SLC24A2: variants seen among roughly 807,000 people sequenced by gnomAD.
SLC24A2 encodes the protein solute carrier family 24 member 2, also known as sodium/potassium/calcium exchanger 2.
Under a neutral mutation model 62.0 loss-of-function variants are expected in SLC24A2, and 36 were observed. The observed-to-expected ratio is 0.58, with a 90% CI of 0.44 to 0.77. The LOEUF (loss-of-function observed/expected upper bound fraction) is 0.77. SLC24A2 is among the 30% of genes least tolerant of loss of function. SLC24A2 has a pLI of 0.00. For synonymous variants in SLC24A2, 358 were observed against 294.0 expected (o/e 1.22, Z -2.23); for missense variants, 846 against 817.9 (o/e 1.03, Z -0.42).
rs140384455 is a variant in SLC24A2, at chr9:19,723,289, T to G, written c.930+62648A>C. Among the ~76,000 whole-genome samples the G allele has an allele frequency of 4.3e-3, 656 of 152,286 alleles. 5 individuals carry two copies. The highest frequency in any genetic ancestry group is 0.015 in the African/African-American group (617 of 41,572). ...CATGTCATTTGCTTTCTTATTCTAT[T>G]TTTGTTGCACAGATGTGAAGGAGTT... On this transcript the variant is annotated intron_variant, in intron 2 of 10. Coordinates refer to ENST00000341998, the MANE Select transcript of SLC24A2 (RefSeq NM_020344.4).
the SLC24A2 span, among the ~76,000 whole-genome samples, chr9:19,970,329 A>T: frequency 6.6e-6 from 1 of 152,212 alleles, no homozygotes; most frequent in Non-Finnish European, 1.5e-5. Context: ...TTTGTCTAAG[A>T]TGTCACCAAG....
At chr9:20,007,242 T>A in the SLC24A2 span, among the ~76,000 whole-genome samples, 1 of 152,172 alleles carries the variant, frequency 6.6e-6, no homozygotes, top group East Asian at 1.9e-4. Flanking sequence ...TGTTCTAGAA[T>A]CTTGAAAAGA....
the SLC24A2 span, among the ~76,000 whole-genome samples, chr9:19,901,538 T>C: frequency 2.0e-5 from 3 of 152,132 alleles, no homozygotes; most frequent in African/African-American, 7.2e-5. Flanking sequence ...GTTTGGCTAA[T>C]TATACATATT....
intron 2 of SLC24A2, among the ~76,000 whole-genome samples, chr9:19,652,237 A>AT (rs1308756883): frequency 3.9e-5 from 6 of 152,134 alleles, no homozygotes; most frequent in African/African-American, 1.4e-4. Context: ...TGAAGATAAC[A>AT]TTTTAGAATT....
At chr9:19,833,156 A>G in the SLC24A2 span, among the ~76,000 whole-genome samples, 2 of 152,204 alleles carry the variant, frequency 1.3e-5, no homozygotes, top group Non-Finnish European at 2.9e-5. Flanking sequence ...TGAGCGATGC[A>G]GAAAATGGGT....
At chr9:19,683,182 C>T (rs989075264) in intron 2 of SLC24A2, among the ~76,000 whole-genome samples, 4 of 152,126 alleles carry the variant, frequency 2.6e-5, no homozygotes, top group Non-Finnish European at 4.4e-5. Context: ...GTATGCTAGA[C>T]GCTGTAAGTG....
intron 5 of SLC24A2, among the ~76,000 whole-genome samples, chr9:19,584,292 AAC>A (rs200873249): frequency 0.11 from 14,987 of 132,690 alleles, 646 homozygotes; most frequent in East Asian, 0.25. Context: ...AAAAAAAAAA[AAC>A]AAACAAAAAA....
intron 2 of SLC24A2, among the ~76,000 whole-genome samples, chr9:19,653,037 C>G (rs1818845530): frequency 1.3e-5 from 2 of 152,164 alleles, no homozygotes; most frequent in African/African-American, 4.8e-5. Flanking sequence ...CCACAGTGTT[C>G]CAACTTCAGA....
At chr9:19,677,743 T>C (rs1232274407) in intron 2 of SLC24A2, among the ~76,000 whole-genome samples, 1 of 151,310 alleles carries the variant, frequency 6.6e-6, no homozygotes, top group Non-Finnish European at 1.5e-5. Flanking sequence ...TACAAAGTGG[T>C]ATACATTACA....
chr9:20,219,448 G>C, the SLC24A2 span, among the ~76,000 whole-genome samples: 2 of 152,152 alleles, frequency 1.3e-5, no homozygotes, highest in East Asian at 3.9e-4. Context: ...AGCCACTTTG[G>C]TATTGCTTCC....
chr9:19,580,242 G>T (rs1295502751), intron 5 of SLC24A2, among the ~76,000 whole-genome samples: 1 of 152,234 alleles, frequency 6.6e-6, no homozygotes, highest in Non-Finnish European at 1.5e-5. Context: ...TGACCTGGCA[G>T]CCATTCCACA....
At chr9:20,073,983 T>C in the SLC24A2 span, among the ~76,000 whole-genome samples, 3 of 150,518 alleles carry the variant, frequency 2.0e-5, no homozygotes, top group Non-Finnish European at 4.4e-5. Context: ...GAGAAAATTA[T>C]TGTTCTGAAG....
intron 4 of SLC24A2, among the ~76,000 whole-genome samples, chr9:19,601,405 C>G (rs1487212716): frequency 4.6e-5 from 7 of 152,130 alleles, no homozygotes; most frequent in Admixed American, 4.6e-4. Context: ...ACTTGGGTCC[C>G]CTTCCTTGCT....
At chr9:20,281,995 A>T in the SLC24A2 span, among the ~76,000 whole-genome samples, 1 of 152,176 alleles carries the variant, frequency 6.6e-6, no homozygotes, top group Admixed American at 6.5e-5. Flanking sequence ...GCTATTATAA[A>T]TTGCACTGGG....
the SLC24A2 span, among the ~76,000 whole-genome samples, chr9:19,995,558 A>G: frequency 6.6e-6 from 1 of 152,236 alleles, no homozygotes; most frequent in African/African-American, 2.4e-5. Flanking sequence ...CCTACTAGCA[A>G]GGAGAGGTTA....
chr9:20,008,899 C>T, the SLC24A2 span, among the ~76,000 whole-genome samples: 2 of 152,150 alleles, frequency 1.3e-5, no homozygotes, highest in Non-Finnish European at 2.9e-5. Flanking sequence ...CTTCACTCTC[C>T]CCCACAGAAA....
chr9:20,067,259 T>G, the SLC24A2 span, among the ~76,000 whole-genome samples: 88 of 152,300 alleles, frequency 5.8e-4, 1 homozygote, highest in African/African-American at 2.0e-3. Flanking sequence ...TTAAACATAA[T>G]TTGAACTCTT....
At chr9:20,024,785 A>G in the SLC24A2 span, among the ~76,000 whole-genome samples, 14,203 of 152,200 alleles carry the variant, frequency 0.093, 1,060 homozygotes, top group East Asian at 0.4. Flanking sequence ...TTTCAAGGCC[A>G]TAGAAGAGGA....
At chr9:20,083,570 T>C in the SLC24A2 span, among the ~76,000 whole-genome samples, 40 of 152,366 alleles carry the variant, frequency 2.6e-4, 1 homozygote, top group South Asian at 3.1e-3. Context: ...TAGCAGCGAA[T>C]TGCCATTCAG....
Sources: gnomAD v4.1 joint callset for allele counts (sites outside exome capture counted in the v4.1 genomes callset) on GRCh38, gnomAD v4.1.1 for gene constraint, MANE v1.5 for transcripts, NCBI Gene and HGNC (gene_info 2026-07-23, HGNC 2026-07-21) for gene names.